USH1C: variants seen among roughly 807,000 people sequenced by gnomAD.
USH1C encodes USH1 protein network component harmonin.
USH1C carries 90 observed loss-of-function variants against 119.3 expected under a neutral mutation model. The ratio of observed to expected loss-of-function variants is 0.75; its 90% CI spans 0.64 to 0.90. The LOEUF (loss-of-function observed/expected upper bound fraction) is 0.90, where lower values mean the gene tolerates loss of function less well. Among genes scored for constraint, USH1C ranks in the 40% least tolerant of loss-of-function variants. USH1C has a pLI of 0.00. For synonymous variants in USH1C, 465 were observed against 443.3 expected, an observed-to-expected ratio of 1.05 and a Z score of -0.62; for missense variants, 1,165 against 1,167.7, an observed-to-expected ratio of 1.00 and a Z score of 0.03.
At chr11:17,503,083 G>C (rs1373408911) in intron 20 of USH1C, among the ~76,000 whole-genome samples, 1 of 152,202 alleles carries the variant, frequency 6.6e-6, no homozygotes, top group Non-Finnish European at 1.5e-5. Context: ...CCAAGCATCT[G>C]CCTGGCATCC....
At chr11:17,540,489 C>A (rs1161721676) in intron 1 of USH1C, among the ~76,000 whole-genome samples, 4 of 152,148 alleles carry the variant, frequency 2.6e-5, no homozygotes, top group Non-Finnish European at 5.9e-5. Context: ...GGTTTAAATA[C>A]CACTCACACC....
At chr11:17,534,126 C>CG (rs1315391236) in intron 1 of USH1C, among the ~76,000 whole-genome samples, 1 of 152,246 alleles carries the variant, frequency 6.6e-6, no homozygotes, top group Non-Finnish European at 1.5e-5. Context: ...AGCCCAAGAA[C>CG]GGGTAACAGA....
intron 19 of USH1C, 24 bp from the exon 20 acceptor site, chr11:17,504,721 T>C: frequency 6.3e-7 from 1 of 1,594,928 alleles, no homozygotes; most frequent in East Asian, 2.2e-5. Flanking sequence ...AAAAAAAAAG[T>C]TCCACATTGG....
Position 17,512,139 on chromosome 11 carries a change from A to C in USH1C, c.1261-85T>G, listed in dbSNP as rs534513506. ...ACACGGGGCATCCAGTCCTCACATA[A>C]CACAACCATCCCATGGTGAGCCCCT... On this transcript the variant is annotated intron_variant, in intron 15 of 26. Transcript: ENST00000005226. 2.1e-6 allele frequency: 3 copies of C among 1,461,994 alleles called. No individual in the cohort carries two copies. In the East Asian group the frequency reaches 6.8e-5, roughly 33 times the overall value. The allele number at this position is 1,461,994 out of a possible 1,614,324, so 90.6% of individuals were successfully genotyped here. A position where few individuals can be genotyped will look rare whatever the true frequency, so the allele number is the denominator to read the frequency against.
intron 15 of USH1C, among the ~76,000 whole-genome samples, chr11:17,512,588 G>C (rs1234493864): frequency 1.3e-5 from 2 of 152,194 alleles, no homozygotes; most frequent in African/African-American, 4.8e-5. Flanking sequence ...AATCTGGGAG[G>C]GCTGGCAAGC....
In USH1C at chr11:17,505,829, C is replaced by A; in HGVS notation, c.2133+1G>T. On this transcript the variant is annotated splice_donor_variant, in intron 19 of 26. Coordinates refer to ENST00000005226, the MANE Select transcript of USH1C (RefSeq NM_153676.4). LOFTEE classifies it high-confidence loss of function. Reference sequence around the variant, plus strand: ...ACCTGGAGGGGACCCAAGGGGCTTACCAGAACTTCAGATTTCACAGCTGGC... The same window carrying A: ...ACCTGGAGGGGACCCAAGGGGCTTAACAGAACTTCAGATTTCACAGCTGGC... The A allele has an allele frequency of 1.2e-6, 2 of 1,614,044 alleles. No individual in the cohort carries two copies.
chr11:17,505,464 C>G (rs1849612579), intron 19 of USH1C, among the ~76,000 whole-genome samples: 1 of 152,244 alleles, frequency 6.6e-6, no homozygotes, highest in Non-Finnish European at 1.5e-5. Flanking sequence ...CTCTAAACCT[C>G]CCTTTCCTCG....
chr11:17,541,849 G>T (rs1215133975), intron 1 of USH1C, among the ~76,000 whole-genome samples: 1 of 152,198 alleles, frequency 6.6e-6, no homozygotes, highest in African/African-American at 2.4e-5. Context: ...TTGCTAGTTA[G>T]TTTTGACTGT....
At chr11:17,522,677 G>A (rs1850463709) in intron 12 of USH1C, 107 bp downstream of exon 12, 1 of 1,517,438 alleles carries the variant, frequency 6.6e-7, no homozygotes, top group Non-Finnish European at 9.1e-7. Flanking sequence ...GGCCTCCAGG[G>A]AGGAGGAGGA....
intron 1 of USH1C, among the ~76,000 whole-genome samples, chr11:17,534,492 A>G (rs2133934696): frequency 6.6e-6 from 1 of 152,246 alleles, no homozygotes; most frequent in East Asian, 1.9e-4. Flanking sequence ...GGGAGGCTTG[A>G]CTCACAGCTT....
At chr11:17,532,568 G>C (rs760041440) in intron 2 of USH1C, among the ~76,000 whole-genome samples, 8 of 152,080 alleles carry the variant, frequency 5.3e-5, no homozygotes, top group Non-Finnish European at 1.0e-4. Flanking sequence ...TCAAAGTTCT[G>C]GGATTACAGG....
intron 18 of USH1C, among the ~76,000 whole-genome samples, chr11:17,506,265 T>C (rs1849645373): frequency 1.3e-5 from 2 of 152,190 alleles, no homozygotes; most frequent in South Asian, 4.2e-4. Flanking sequence ...TCAGTGGCCA[T>C]GGGTGCTATC....
At chr11:17,540,822 C>T (rs1350922322) in intron 1 of USH1C, among the ~76,000 whole-genome samples, 1 of 152,184 alleles carries the variant, frequency 6.6e-6, no homozygotes, top group Non-Finnish European at 1.5e-5. Context: ...AGGTCCCCTT[C>T]TACTCTTGGG....
intron 1 of USH1C, among the ~76,000 whole-genome samples, chr11:17,537,449 C>T (rs1480009784): frequency 6.6e-6 from 1 of 152,186 alleles, no homozygotes; most frequent in Non-Finnish European, 1.5e-5. Context: ...GCACGGTGCC[C>T]AGTGGCGTCC....
chr11:17,519,468 T>G (rs780252340), intron 14 of USH1C, among the ~76,000 whole-genome samples: 2 of 152,240 alleles, frequency 1.3e-5, no homozygotes, highest in Non-Finnish European at 2.9e-5. Flanking sequence ...GTTTTTATTT[T>G]CTATTGCTCC....
At chr11:17,496,386 GAGAGTGAAGGATGGACAC>G (rs1849250029) in intron 25 of USH1C, among the ~76,000 whole-genome samples, 1 of 152,224 alleles carries the variant, frequency 6.6e-6, no homozygotes, top group African/African-American at 2.4e-5. Context: ...AGACCTTCCA[GAGAGTGAAGGATGGACAC>G]AGACACCTTC....
intron 1 of USH1C, chr11:17,533,616 A>G (rs1851097594): frequency 1.8e-6 from 1 of 559,712 alleles, no homozygotes. Context: ...ACACATAGGT[A>G]CATATGTGAA....
intron 24 of USH1C, 73 bp downstream of exon 24, chr11:17,498,089 A>G: frequency 7.1e-7 from 1 of 1,406,432 alleles, no homozygotes; most frequent in Non-Finnish European, 1.0e-6. Flanking sequence ...TCCTATTGTG[A>G]GACCTGGCTG....
At chr11:17,516,148 A>C in intron 15 of USH1C, 93 bp downstream of exon 15, 1 of 1,391,848 alleles carries the variant, frequency 7.2e-7, no homozygotes, top group Non-Finnish European at 1.0e-6. Context: ...AAGTCACACC[A>C]TTTAGTGTTG....
Sources: gnomAD v4.1 joint callset for allele counts (sites outside exome capture counted in the v4.1 genomes callset) on GRCh38, gnomAD v4.1.1 for gene constraint, MANE v1.5 for transcripts, NCBI Gene and HGNC (gene_info 2026-07-23, HGNC 2026-07-21) for gene names.